ARMH3: variants seen among roughly 807,000 people sequenced by gnomAD.
ARMH3 encodes the protein armadillo like helical domain containing 3, also known as armadillo-like helical domain-containing protein 3.
In ARMH3, 60 loss-of-function variants were observed where a neutral mutation model predicts 99.1. That is an observed-to-expected ratio of 0.61 (90% CI 0.49 to 0.75). ARMH3 has a LOEUF of 0.75. Among genes scored for constraint, ARMH3 ranks in the 30% least tolerant of loss-of-function variants. The probability of loss-of-function intolerance (pLI) is 0.00; values close to 1 mark genes in which losing one functional copy is unlikely to be tolerated. For synonymous variants in ARMH3, 285 were observed against 292.8 expected, an observed-to-expected ratio of 0.97 and a Z score of 0.27; for missense variants, 679 against 843.1, an observed-to-expected ratio of 0.81 and a Z score of 2.41.
At chr10:102,016,161 G>C (rs550453232) in intron 8 of ARMH3, among the ~76,000 whole-genome samples, 1 of 152,310 alleles carries the variant, frequency 6.6e-6, no homozygotes, top group South Asian at 2.1e-4. Context: ...AAACATTTGG[G>C]ATAGAAGTAC....
chr10:102,009,563 C>T lies in ARMH3; in HGVS notation c.879-114G>A, dbSNP rs369595860. On this transcript the variant is annotated intron_variant, in intron 12 of 25. Coordinates refer to ENST00000370033, the MANE Select transcript of ARMH3 (RefSeq NM_024541.3). ...CAGCGCCTCATTATCAATTCCTTTG[C>T]ATTTCTAAAGTTCCCCTTTACTTGC... The T allele has an allele frequency of 3.6e-4, 338 of 948,868 alleles. 2 individuals carry two copies. The East Asian group carries it at 6.0e-3, about 17-fold the overall frequency. The allele number at this position is 948,868 out of a possible 1,614,324, so 58.8% of individuals were successfully genotyped here.
At position 101,957,721 on chromosome 10, in the gene ARMH3, A is replaced by C. The variant is rs575095402; in HGVS notation, c.1507T>G (p.Leu503Val). The C allele has an allele frequency of 6.4e-7, 1 of 1,559,866 alleles. No individual in the cohort carries two copies. Among genetic ancestry groups the C allele is most frequent in the Admixed American group, 1.9e-5 (1 of 52,020 alleles). ...WRELWSALIN[L>V]LKFLMSNETV... ...TCATTTGACATAAGGAACTTCAGCAAATTTATCAAGGCTTTAAAAAAAAAA... is the reference window on the plus strand; with the variant it reads ...TCATTTGACATAAGGAACTTCAGCACATTTATCAAGGCTTTAAAAAAAAAA... Residue 503 changes from leucine to valine, a missense_variant, in exon 21 of 26, where the codon TTG becomes GTG. Physicochemically the swap from Leu to Val is conservative, Grantham distance 32. Coordinates refer to ENST00000370033, the MANE Select transcript of ARMH3 (RefSeq NM_024541.3).
At chr10:101,920,077 T>G (rs1168054363) in intron 23 of ARMH3, among the ~76,000 whole-genome samples, 1 of 152,202 alleles carries the variant, frequency 6.6e-6, no homozygotes, top group African/African-American at 2.4e-5. Flanking sequence ...TCTATGTTTG[T>G]TTATCTATTT....
At chr10:101,859,595 C>G (rs921760233) in intron 24 of ARMH3, among the ~76,000 whole-genome samples, 4 of 152,224 alleles carry the variant, frequency 2.6e-5, no homozygotes, top group African/African-American at 9.6e-5. Context: ...TCTGAAATGA[C>G]TTTCTGAGGT....
At chr10:102,025,696 G>A (rs551909410) in intron 5 of ARMH3, among the ~76,000 whole-genome samples, 97 of 152,082 alleles carry the variant, frequency 6.4e-4, no homozygotes, top group African/African-American at 2.3e-3. Context: ...TGTCAGTCAG[G>A]CTGGAAAGCA....
Position 101,956,623 on chromosome 10 carries a change from T to C in ARMH3, c.1679A>G (p.Gln560Arg). ...CATGGAGTAGAGGTTGTCAAAGCTC[T>C]GGTGCATGCGGATAATCTCATAGTA... Reference protein sequence around the residue: ...ELYYEIIRMHQSFDNLYSMVL... With the variant: ...ELYYEIIRMHRSFDNLYSMVL... The change falls in exon 22 of 26, where the codon CAG becomes CGG. Residue 560 changes from glutamine (Q) to arginine (R), a missense_variant. Gln to Arg is a conservative substitution (Grantham distance 43). Transcript: ENST00000370033. 1.9e-6 allele frequency: 3 copies of C among 1,613,658 alleles called. No individual in the cohort carries two copies. The highest frequency in any genetic ancestry group is 2.5e-6 in the Non-Finnish European group (3 of 1,179,600).
intron 23 of ARMH3, among the ~76,000 whole-genome samples, chr10:101,908,553 C>T (rs752777390): frequency 2.6e-5 from 4 of 152,128 alleles, no homozygotes; most frequent in Non-Finnish European, 4.4e-5. Flanking sequence ...GCAAATGTCC[C>T]CCAGAGGGTA....
chr10:101,945,579 G>A (rs140123943), intron 22 of ARMH3, among the ~76,000 whole-genome samples: 2,086 of 151,990 alleles, frequency 0.014, 43 homozygotes, highest in African/African-American at 0.044. Context: ...TTAACCAGGC[G>A]TGGTGGTGCA....
At chr10:101,916,483 A>G (rs1256020717) in intron 23 of ARMH3, among the ~76,000 whole-genome samples, 1 of 152,226 alleles carries the variant, frequency 6.6e-6, no homozygotes, top group Non-Finnish European at 1.5e-5. Context: ...TATTTTCAAA[A>G]GGTTGCCACA....
chr10:101,963,552 T>C (rs1845402122), intron 20 of ARMH3, among the ~76,000 whole-genome samples: 1 of 152,224 alleles, frequency 6.6e-6, no homozygotes, highest in Non-Finnish European at 1.5e-5. Flanking sequence ...ATTACAGGCA[T>C]GAGCCACTGT....
intron 23 of ARMH3, among the ~76,000 whole-genome samples, chr10:101,906,215 G>T (rs1842630982): frequency 6.6e-6 from 1 of 152,070 alleles, no homozygotes; most frequent in Admixed American, 6.5e-5. Context: ...GATTAATACT[G>T]CAATCAACGT....
chr10:102,022,875 C>T (rs998538135), intron 8 of ARMH3, among the ~76,000 whole-genome samples: 4 of 150,466 alleles, frequency 2.7e-5, no homozygotes, highest in Non-Finnish European at 3.0e-5. Context: ...CCACCGTGCC[C>T]GGCCGAAATT....
At chr10:102,020,447 C>A (rs529618694) in intron 8 of ARMH3, among the ~76,000 whole-genome samples, 2 of 151,986 alleles carry the variant, frequency 1.3e-5, no homozygotes, top group South Asian at 2.1e-4. Context: ...GAGGCCGAGG[C>A]GGGTGGATCA....
chr10:101,991,846 G>GA (rs1353642247), intron 18 of ARMH3, 123 bp downstream of exon 18: 5 of 1,032,618 alleles, frequency 4.8e-6, no homozygotes, highest in Admixed American at 2.0e-5. Flanking sequence ...TTAGGCCAGG[G>GA]AAAAAACACA....
intron 1 of ARMH3, among the ~76,000 whole-genome samples, chr10:102,044,097 T>A (rs1171227665): frequency 1.3e-5 from 2 of 148,484 alleles, no homozygotes; most frequent in Non-Finnish European, 3.0e-5. Context: ...TTTTCTTTTT[T>A]TTTTTTTTTT....
chr10:101,887,252 C>G (rs2067570011), intron 24 of ARMH3, among the ~76,000 whole-genome samples: 1 of 152,092 alleles, frequency 6.6e-6, no homozygotes, highest in South Asian at 2.1e-4. Context: ...TATCACCCTC[C>G]TCCAAACCCC....
intron 18 of ARMH3, among the ~76,000 whole-genome samples, chr10:101,991,453 T>C (rs1386971573): frequency 1.3e-5 from 2 of 152,138 alleles, no homozygotes; most frequent in African/African-American, 2.4e-5. Context: ...TGATCTTGGC[T>C]CACTGCAACC....
intron 8 of ARMH3, among the ~76,000 whole-genome samples, chr10:102,019,582 T>TTG (rs747487222): frequency 1.3e-4 from 20 of 151,892 alleles, no homozygotes; most frequent in South Asian, 8.3e-4. Flanking sequence ...CTATGCTAAT[T>TTG]TGTGTGTGTG....
intron 21 of ARMH3, 71 bp from the exon 22 acceptor site, chr10:101,956,794 T>C: frequency 1.4e-6 from 2 of 1,476,798 alleles, no homozygotes; most frequent in Non-Finnish European, 9.1e-7. Flanking sequence ...TGGTATGCTG[T>C]AGCCAGCTCT....
Sources: allele counts gnomAD v4.1 joint callset (sites outside exome capture counted in the v4.1 genomes callset), GRCh38; gene constraint gnomAD v4.1.1; transcripts MANE v1.5; gene names NCBI Gene and HGNC (gene_info 2026-07-23, HGNC 2026-07-21).